Variants in CCNT1 observed in about 807,000 individuals in gnomAD.
CCNT1 encodes cyclin-T1.
A neutral mutation model predicts 67.3 loss-of-function variants in CCNT1; 18 were observed. The observed-to-expected ratio is 0.27, with a 90% CI of 0.18 to 0.40. The LOEUF (loss-of-function observed/expected upper bound fraction) is 0.40. CCNT1 is among the 10% of genes least tolerant of loss of function. CCNT1 has a pLI of 1.00. For missense variants in CCNT1, 744 were observed against 884.9 expected, an observed-to-expected ratio of 0.84 and a Z score of 2.02; for synonymous variants, 333 against 310.3, an observed-to-expected ratio of 1.07 and a Z score of -0.77.
At position 48,691,008 on chromosome 12, in the gene CCNT1, T is replaced by C. The variant is rs1330685786; in HGVS notation, c.*2025A>G. ...AAACCACAACTATATATCTACCAAT[T>C]ATCTAACACAACATAGAAAATATCA... On this transcript the variant is annotated 3_prime_UTR_variant, in exon 9 of 9. Transcript: ENST00000261900. 6.6e-6 allele frequency: 1 copy of C among 152,192 alleles called. No homozygotes were observed. The highest frequency in any genetic ancestry group is 1.9e-4 in the East Asian group (1 of 5,208). The allele number at this position is 152,192 out of a possible 1,614,324, so 9.4% of individuals were successfully genotyped here.
At chr12:48,699,872 A>C in intron 4 of CCNT1, 32 bp from the exon 5 acceptor site, 1 of 1,363,546 alleles carries the variant, frequency 7.3e-7, no homozygotes, top group Middle Eastern at 1.8e-4. Context: ...TTAAAAAACT[A>C]TTAAGAAGTT....
At chr12:48,715,058 C>T (rs1237002777) in intron 1 of CCNT1, among the ~76,000 whole-genome samples, 1 of 152,236 alleles carries the variant, frequency 6.6e-6, no homozygotes, top group African/African-American at 2.4e-5. Flanking sequence ...ACTGATCGAC[C>T]TGCCTTGGCC....
chr12:48,696,165 G>A lies in CCNT1; in HGVS notation c.543-3C>T. 1.3e-6 allele frequency: 2 copies of A among 1,546,816 alleles called. No individual in the cohort carries two copies. Among genetic ancestry groups the A allele is most frequent in the Non-Finnish European group, 1.8e-6 (2 of 1,142,414 alleles). On this transcript the variant is annotated splice_region_variant and splice_polypyrimidine_tract_variant and intron_variant, in intron 6 of 8. Coordinates refer to ENST00000261900, the MANE Select transcript of CCNT1 (RefSeq NM_001240.4). ...GGCTAAATGTGGTCAAATGCAGGCT[G>A]ACATCAGAGGGAAGAAAACAGAGAG...
intron 2 of CCNT1, among the ~76,000 whole-genome samples, chr12:48,710,784 C>G (rs1940436782): frequency 6.6e-6 from 1 of 152,176 alleles, no homozygotes; most frequent in African/African-American, 2.4e-5. Flanking sequence ...AAAGATATGG[C>G]CTGGCACAGT....
chr12:48,703,205 G>A (rs1303669082), intron 3 of CCNT1, among the ~76,000 whole-genome samples: 1 of 151,684 alleles, frequency 6.6e-6, no homozygotes, highest in East Asian at 1.9e-4. Flanking sequence ...ACAAGGTCAA[G>A]AGATCGAGAC....
At chr12:48,695,654 A>G (rs1213497388) in intron 8 of CCNT1, 105 bp downstream of exon 8, 1 of 723,802 alleles carries the variant, frequency 1.4e-6, no homozygotes, top group African/African-American at 1.8e-5. Flanking sequence ...GTAACTATAA[A>G]AAGGGCAATT....
intron 5 of CCNT1, among the ~76,000 whole-genome samples, chr12:48,698,412 AC>A (rs1403071922): frequency 1.6e-4 from 24 of 152,298 alleles, no homozygotes; most frequent in Middle Eastern, 3.4e-3. Context: ...AGATCTAGGT[AC>A]TCAAGCTTTA....
chr12:48,698,267 T>G (rs1940211375), intron 5 of CCNT1, 84 bp from the exon 6 acceptor site: 1 of 1,012,728 alleles, frequency 9.9e-7, no homozygotes, highest in Non-Finnish European at 1.5e-6. Flanking sequence ...TTAGTAAGCA[T>G]TTAATATTTG....
rs118169968 is a variant in CCNT1 at position 48,710,818 on chromosome 12, C to T, written c.243+3625G>A. 3.9e-3 allele frequency among the ~76,000 whole-genome samples: 599 copies of T among 152,252 alleles called. 5 individuals carry two copies. The highest frequency in any genetic ancestry group is 5.7e-3 in the Non-Finnish European group (391 of 68,012). ...GTGGCTCATGGCTATAATTCCAGCA[C>T]TTGGTAGGCCAAGGCGGGTGGATCG... On this transcript the variant is annotated intron_variant, in intron 2 of 8. Transcript: ENST00000261900.
chr12:48,701,110 G>C, intron 3 of CCNT1, 37 bp from the exon 4 acceptor site: 2 of 1,238,158 alleles, frequency 1.6e-6, no homozygotes, highest in Non-Finnish European at 2.3e-6. Flanking sequence ...CCCTACAAAG[G>C]CACAATATAT....
At chr12:48,707,797 G>A (rs540637592) in intron 2 of CCNT1, among the ~76,000 whole-genome samples, 2 of 152,304 alleles carry the variant, frequency 1.3e-5, no homozygotes, top group African/African-American at 2.4e-5. Context: ...TGTGGCTCAC[G>A]CCTGTAATCC....
intron 8 of CCNT1, 33 bp from the exon 9 acceptor site, chr12:48,694,469 G>A (rs538166862): frequency 6.4e-7 from 1 of 1,564,398 alleles, no homozygotes; most frequent in East Asian, 2.2e-5. Flanking sequence ...TCTTTACTTA[G>A]GTAATTTACT....
chr12:48,693,320 T>C lies in CCNT1; in HGVS notation c.1894A>G (p.Thr632Ala). ...GLSFSQPSCK[T>A]RVPHSKLDKG... is the part of the protein sequence containing the mutation. ...TCCAGTTTCGAATGAGGGACACGAG[T>C]TTTACAGCTGGGCTGTGAAAAGGAA... The change falls in exon 9 of 9, where the codon ACT becomes GCT. Residue 632 changes from threonine (T) to alanine (A), a missense_variant. Around this residue, in one of 3 missense-constraint regions of CCNT1, gnomAD observed 564 missense variants for 574.2 expected, o/e 0.98. Coordinates refer to ENST00000261900, the MANE Select transcript of CCNT1 (RefSeq NM_001240.4). The C allele has an allele frequency of 6.2e-7, 1 of 1,613,836 alleles. No individual in the cohort carries two copies. The highest frequency in any genetic ancestry group is 8.5e-7 in the Non-Finnish European group (1 of 1,179,966).
intron 4 of CCNT1, among the ~76,000 whole-genome samples, chr12:48,700,751 A>G (rs1940252201): frequency 6.6e-6 from 1 of 152,178 alleles, no homozygotes; most frequent in Non-Finnish European, 1.5e-5. Context: ...GGTAAAAATC[A>G]CCAAAACTTA....
intron 6 of CCNT1, among the ~76,000 whole-genome samples, chr12:48,697,534 A>T (rs371904153): frequency 0.016 from 2,072 of 130,590 alleles, 49 homozygotes; most frequent in African/African-American, 0.039. Flanking sequence ...AAAAAAAAAA[A>T]ATATATATAT....
At position 48,695,816 on chromosome 12, in the gene CCNT1, C is replaced by T. The variant is rs764666205; in HGVS notation, c.720G>A (p.Glu240=). ...TLELLDELTH[E]FLQILEKTPN... Reference sequence around the variant, plus strand: ...GAGTTTTCTCCAAAATCTGTAGAAACTCATGTGTCAGTTCTACAAGTAAAA... The same window carrying T: ...GAGTTTTCTCCAAAATCTGTAGAAATTCATGTGTCAGTTCTACAAGTAAAA... Residue 240 remains glutamate (E), a synonymous_variant, in exon 8 of 9, where the codon GAG becomes GAA. Transcript: ENST00000261900. 1.2e-6 allele frequency: 2 copies of T among 1,611,098 alleles called. No individual in the cohort carries two copies. Among genetic ancestry groups the T allele is most frequent in the Admixed American group, 3.3e-5 (2 of 60,014 alleles).
At chr12:48,698,277 G>A in intron 5 of CCNT1, 94 bp from the exon 6 acceptor site, 1 of 900,356 alleles carries the variant, frequency 1.1e-6, no homozygotes, top group African/African-American at 1.7e-5. Context: ...TTTAATATTT[G>A]CAAGGTACTG....
At position 48,692,834 on chromosome 12, in the gene CCNT1, G is replaced by GT; in HGVS notation, c.*198dup. On this transcript the variant is annotated 3_prime_UTR_variant, in exon 9 of 9. Transcript: ENST00000261900. The stretch of plus-strand genomic sequence containing the variant: ...CACCTCTCTAATACCAGTAAAAACT[G>GT]TAAGAAAATAGTTAAATGCATGAGA... 5 of 526,782 alleles carry GT rather than the reference G, an allele frequency of 9.5e-6. No homozygotes were observed. The highest frequency in any genetic ancestry group is 1.7e-5 in the Non-Finnish European group (5 of 296,840). The allele number at this position is 526,782 out of a possible 1,614,324, so 32.6% of individuals were successfully genotyped here.
chr12:48,704,783 T>A (rs192917588), intron 3 of CCNT1, among the ~76,000 whole-genome samples: 4 of 152,180 alleles, frequency 2.6e-5, no homozygotes, highest in Admixed American at 1.3e-4. Flanking sequence ...CACTCCAGCC[T>A]GGCGACAAGA....
Sources: gnomAD v4.1 joint callset for allele counts (sites outside exome capture counted in the v4.1 genomes callset) on GRCh38, gnomAD v4.1.1 for gene constraint, gnomAD v4.1.1 regional missense constraint, MANE v1.5 for transcripts, NCBI Gene and HGNC (gene_info 2026-07-23, HGNC 2026-07-21) for gene names.